CTBS: variants seen among roughly 807,000 people sequenced by gnomAD.
CTBS encodes di-N-acetylchitobiase.
In CTBS, 35 loss-of-function variants were observed where a neutral mutation model predicts 44.3. That is an observed-to-expected ratio of 0.79 (90% confidence interval 0.60 to 1.05). The LOEUF (loss-of-function observed/expected upper bound fraction) is 1.05. CTBS is among the 50% of genes least tolerant of loss of function. The probability of loss-of-function intolerance (pLI) is 0.00; values close to 1 mark genes in which losing one functional copy is unlikely to be tolerated. For synonymous variants in CTBS, 143 were observed against 168.0 expected (o/e 0.85, Z 1.15); for missense variants, 458 against 475.3 (o/e 0.96, Z 0.34).
At chr1:84,555,275 G>T in intron 6 of CTBS, 76 bp from the exon 7 acceptor site, 3 of 1,144,976 alleles carry the variant, frequency 2.6e-6, no homozygotes, top group South Asian at 3.0e-5. Flanking sequence ...AAAAATAAAA[G>T]AAGTATACAG....
chr1:84,555,349 A>C (rs1684397095), intron 6 of CTBS, 150 bp from the exon 7 acceptor site: 1 of 558,290 alleles, frequency 1.8e-6, no homozygotes, highest in Non-Finnish European at 3.0e-6. Context: ...TGAAATAAAA[A>C]TTTTAGGGCA....
Position 84,566,005 on chromosome 1 carries a change from A to C in CTBS, c.533T>G (p.Phe178Cys), listed in dbSNP as rs776952874. Residue 178 changes from phenylalanine to cysteine, a missense_variant, in exon 4 of 7, where the codon TTT becomes TGT. Phe to Cys is a radical substitution (Grantham distance 205, BLOSUM62 -2). Coordinates refer to ENST00000370630, the MANE Select transcript of CTBS (RefSeq NM_004388.3). ...GTTCTTTGGAGACCAAGCTACATCA[A>C]AGGTTACCTGTGGAAAAAAATCTTA... is the stretch of plus-strand genomic sequence containing the variant. ...HREIEGSQVT[F>C]DVAWSPKNID... 1 of 1,533,354 alleles carries C rather than the reference A, an allele frequency of 6.5e-7. No individual in the cohort carries two copies. The highest frequency in any genetic ancestry group is 8.8e-7 in the Non-Finnish European group (1 of 1,140,980). 95.0% of individuals were successfully genotyped at this position (1,533,354 alleles called of 1,614,324 possible).
In CTBS at chr1:84,553,158, A is replaced by C. The variant is rs1158486389; in HGVS notation, c.*1841T>G. On this transcript the variant is annotated 3_prime_UTR_variant, in exon 7 of 7. Transcript: ENST00000370630. ...ATTTAAAACTTTTATTTGTAAAAAAATTTAAATATGTATTTGAACAGATTT... is the reference window on the plus strand; with the variant it reads ...ATTTAAAACTTTTATTTGTAAAAAACTTTAAATATGTATTTGAACAGATTT... The C allele has an allele frequency of 2.5e-6, 3 of 1,221,150 alleles. No homozygotes were observed. Among genetic ancestry groups the C allele is most frequent in the African/African-American group, 3.1e-5 (2 of 64,366 alleles). The allele number at this position is 1,221,150 out of a possible 1,614,324, so 75.6% of individuals were successfully genotyped here.
chr1:84,556,198 A>G (rs1309509597), intron 6 of CTBS, among the ~76,000 whole-genome samples: 1 of 152,198 alleles, frequency 6.6e-6, no homozygotes, highest in Admixed American at 6.5e-5. Flanking sequence ...CAGGCAGCAC[A>G]TGAGCTATTG....
At chr1:84,557,544 A>AG (rs1176279084) in intron 6 of CTBS, among the ~76,000 whole-genome samples, 9 of 140,066 alleles carry the variant, frequency 6.4e-5, no homozygotes, top group Non-Finnish European at 1.2e-4. Flanking sequence ...AAAAAAAAAA[A>AG]AAAAAAAAAG....
intron 6 of CTBS, among the ~76,000 whole-genome samples, chr1:84,561,794 C>A (rs1684599717): frequency 6.6e-6 from 1 of 152,192 alleles, no homozygotes. Context: ...TGATCGTTAT[C>A]ATTTTTTTAG....
At chr1:84,563,665 T>C (rs1443421828) in intron 5 of CTBS, 70 bp downstream of exon 5, 2 of 930,998 alleles carry the variant, frequency 2.1e-6, no homozygotes, top group African/African-American at 3.5e-5. Flanking sequence ...TATATATTTC[T>C]AATGAAAACA....
At position 84,550,730 on chromosome 1, in the gene CTBS, ATAAAGCCAAAG is replaced by A. The variant is rs1570456716; in HGVS notation, c.*4258_*4268del. 8.8e-7 allele frequency: 1 copy of A among 1,134,188 alleles called. No individual in the cohort carries two copies. Among genetic ancestry groups the A allele is most frequent in the East Asian group, 4.1e-5 (1 of 24,114 alleles). 70.3% of individuals were successfully genotyped at this position (1,134,188 alleles called of 1,614,324 possible). A position where few individuals can be genotyped will look rare whatever the true frequency, so the allele number is the denominator to read the frequency against. On this transcript the variant is annotated 3_prime_UTR_variant, in exon 7 of 7. Transcript: ENST00000370630. ...AACCTGTGAAAAGATACATGATATA[ATAAAGCCAAAG>A]TAAAATTTAGTAAAATTTTACTAGG...
At position 84,574,369 on chromosome 1, in the gene CTBS, G is replaced by A. The variant is rs1343721863; in HGVS notation, c.47C>T (p.Pro16Leu). The change falls in exon 1 of 7, where the codon CCG becomes CTG. Residue 16 changes from proline to leucine, a missense_variant. Pro to Leu is a moderately conservative substitution (Grantham distance 98). Coordinates refer to ENST00000370630, the MANE Select transcript of CTBS (RefSeq NM_004388.3). ...CAGCGCTAGACCCGGGACGCCGCTCGGCGGGCTAGAGACGAGGCGCCAGCG... is the reference window on the plus strand; with the variant it reads ...CAGCGCTAGACCCGGGACGCCGCTCAGCGGGCTAGAGACGAGGCGCCAGCG... ...LRRWRLVSSP[P>L]SGVPGLALLA... 1.9e-6 allele frequency: 3 copies of A among 1,567,950 alleles called. No homozygotes were observed. The highest frequency in any genetic ancestry group is 1.7e-6 in the Non-Finnish European group (2 of 1,157,108).
rs529294378 is a variant in CTBS at position 84,555,108 on chromosome 1, C to T, written c.1049G>A (p.Gly350Asp). ...ATYIQNYRLR[G>D]IGMWNANCLD... is the part of the protein sequence containing the mutation. ...ACAGTTTGCATTCCACATGCCAATG[C>T]CCCGTAAGCGATAGTTTTGTATATA... Residue 350 changes from glycine (G) to aspartate (D), a missense_variant, in exon 7 of 7, where the codon GGC (glycine) becomes GAC (aspartate). Coordinates refer to ENST00000370630, the MANE Select transcript of CTBS (RefSeq NM_004388.3). 8 of 1,613,856 alleles carry T rather than the reference C, an allele frequency of 5.0e-6. No individual in the cohort carries two copies. Among genetic ancestry groups the T allele is most frequent in the Non-Finnish European group, 5.1e-6 (6 of 1,179,860 alleles).
intron 6 of CTBS, among the ~76,000 whole-genome samples, chr1:84,558,873 C>A (rs1018565667): frequency 6.6e-6 from 1 of 151,972 alleles, no homozygotes; most frequent in African/African-American, 2.4e-5. Context: ...TGCACTCCAT[C>A]CTGGGTGACA....
intron 1 of CTBS, 185 bp downstream of exon 1, chr1:84,574,054 A>C (rs1647393567): frequency 1.4e-6 from 2 of 1,435,394 alleles, no homozygotes; most frequent in South Asian, 3.0e-5. Context: ...CTGAGGAGTT[A>C]CTCAACTTCT....
Position 84,553,251 on chromosome 1 carries a change from T to G in CTBS, c.*1748A>C. 3 of 556,204 alleles carry G rather than the reference T, an allele frequency of 5.4e-6. No individual in the cohort carries two copies. The highest frequency in any genetic ancestry group is 9.4e-6 in the Non-Finnish European group (3 of 320,792). The allele number at this position is 556,204 out of a possible 1,614,324, so 34.5% of individuals were successfully genotyped here. On this transcript the variant is annotated 3_prime_UTR_variant, in exon 7 of 7. Coordinates refer to ENST00000370630, the MANE Select transcript of CTBS (RefSeq NM_004388.3). The stretch of plus-strand genomic sequence containing the variant: ...AAGGTTTCTCTTTCTCCACTTTCCA[T>G]GTGGGTATTACAAAATGTTTCAGGA...
At chr1:84,564,453 G>A (rs372238991) in intron 4 of CTBS, among the ~76,000 whole-genome samples, 1 of 151,928 alleles carries the variant, frequency 6.6e-6, no homozygotes, top group African/African-American at 2.4e-5. Flanking sequence ...TTACTTTTTA[G>A]AGCCTTTAAT....
At chr1:84,570,854 G>A in intron 1 of CTBS, 134 bp from the exon 2 acceptor site, 2 of 760,142 alleles carry the variant, frequency 2.6e-6, no homozygotes, top group South Asian at 5.1e-5. Flanking sequence ...AAGACATAGG[G>A]GTCCCAAGAT....
chr1:84,563,706 A>C (rs1306699899), intron 5 of CTBS, 29 bp downstream of exon 5: 3 of 1,351,420 alleles, frequency 2.2e-6, no homozygotes, highest in African/African-American at 1.5e-5. Flanking sequence ...ATAGATAATA[A>C]AAATTATGTA....
In CTBS at chr1:84,553,708, A is replaced by G. The variant is rs1684343714; in HGVS notation, c.*1291T>C. The G allele has an allele frequency of 6.6e-6, 1 of 152,202 alleles. No individual in the cohort carries two copies. Among genetic ancestry groups the G allele is most frequent in the Admixed American group, 6.5e-5 (1 of 15,274 alleles). The allele number at this position is 152,202 out of a possible 1,614,324, so 9.4% of individuals were successfully genotyped here. On this transcript the variant is annotated 3_prime_UTR_variant, in exon 7 of 7. Coordinates refer to ENST00000370630, the MANE Select transcript of CTBS (RefSeq NM_004388.3). ...AATGGTTTTTACTCTGTCACAAACA[A>G]TTGTGTAAATAGGAAATGTAATATT...
At chr1:84,563,957 G>T in intron 4 of CTBS, 125 bp from the exon 5 acceptor site, 2 of 1,085,884 alleles carry the variant, frequency 1.8e-6, no homozygotes, top group Non-Finnish European at 2.4e-6. Flanking sequence ...CACTAATATT[G>T]TTTAATATGT....
intron 1 of CTBS, 85 bp downstream of exon 1, chr1:84,574,154 G>A: frequency 6.5e-7 from 1 of 1,543,390 alleles, no homozygotes; most frequent in Non-Finnish European, 8.8e-7. Flanking sequence ...GGCGCCCACG[G>A]CACCTCTCCT....
Sources: allele counts gnomAD v4.1 joint callset (sites outside exome capture counted in the v4.1 genomes callset), GRCh38; gene constraint gnomAD v4.1.1; transcripts MANE v1.5; gene names NCBI Gene and HGNC (gene_info 2026-07-23, HGNC 2026-07-21).